SIPA1L3: variants seen among roughly 807,000 people sequenced by gnomAD.
SIPA1L3 encodes signal-induced proliferation-associated 1-like protein 3.
A neutral mutation model predicts 150.1 loss-of-function variants in SIPA1L3; 59 were observed. The observed-to-expected ratio is 0.39, with a 90% confidence interval of 0.32 to 0.49. The LOEUF (loss-of-function observed/expected upper bound fraction) is 0.49, where lower values mean the gene tolerates loss of function less well. Ranked by LOEUF, SIPA1L3 falls within the 20% of genes least tolerant of loss-of-function variation. The probability of loss-of-function intolerance (pLI) is 0.86; values close to 1 mark genes in which losing one functional copy is unlikely to be tolerated. For synonymous variants in SIPA1L3, 1,070 were observed against 1,077.6 expected (o/e 0.99, Z 0.14); for missense variants, 2,211 against 2,489.5 (o/e 0.89, Z 2.38).
At chr19:37,920,554 T>C (rs2046449959) in intron 1 of SIPA1L3, among the ~76,000 whole-genome samples, 1 of 152,134 alleles carries the variant, frequency 6.6e-6, no homozygotes, top group South Asian at 2.1e-4. Flanking sequence ...TATTATACTC[T>C]TTTTTTGCCT....
chr19:37,946,293 C>T (rs1187512795), intron 1 of SIPA1L3, among the ~76,000 whole-genome samples: 1 of 151,526 alleles, frequency 6.6e-6, no homozygotes, highest in African/African-American at 2.4e-5. Flanking sequence ...TCCCTCCCCA[C>T]ACTTTTTTTT....
At chr19:38,134,402 T>TA (rs1971383890) in intron 10 of SIPA1L3, among the ~76,000 whole-genome samples, 1 of 61,340 alleles carries the variant, frequency 1.6e-5, no homozygotes, top group Admixed American at 2.5e-4. Context: ...TCAAGCTTTC[T>TA]CAAAAAAAAA....
chr19:37,909,899 G>A (rs1235345969), intron 1 of SIPA1L3, among the ~76,000 whole-genome samples: 1 of 151,696 alleles, frequency 6.6e-6, no homozygotes, highest in Non-Finnish European at 1.5e-5. Flanking sequence ...GAAACCGGTG[G>A]CCTCAATCAC....
chr19:37,937,660 T>G (rs945036754), intron 1 of SIPA1L3, among the ~76,000 whole-genome samples: 14 of 146,626 alleles, frequency 9.5e-5, no homozygotes, highest in Admixed American at 9.1e-4. Flanking sequence ...AAGGATTGCT[T>G]GAGCTCAGGA....
intron 19 of SIPA1L3, chr19:38,199,855 AT>A: frequency 3.3e-5 from 1 of 30,614 alleles, no homozygotes; most frequent in South Asian, 1.7e-3. Context: ...TTTCTTAAAT[AT>A]ATATATATAT....
intron 1 of SIPA1L3, among the ~76,000 whole-genome samples, chr19:37,938,984 T>C (rs2145518342): frequency 6.6e-6 from 1 of 152,320 alleles, no homozygotes; most frequent in African/African-American, 2.4e-5. Flanking sequence ...CTACTAATCC[T>C]GGGGTGGCAG....
At chr19:38,006,557 G>A (rs371071812) in intron 1 of SIPA1L3, among the ~76,000 whole-genome samples, 29 of 152,316 alleles carry the variant, frequency 1.9e-4, no homozygotes, top group African/African-American at 6.7e-4. Context: ...AAAGATACCT[G>A]ACTCTGGGCG....
chr19:37,953,485 G>T (rs904308681), intron 1 of SIPA1L3, among the ~76,000 whole-genome samples: 1 of 152,174 alleles, frequency 6.6e-6, no homozygotes, highest in East Asian at 1.9e-4. Flanking sequence ...ATTCAAGAGG[G>T]TAATCACTGA....
intron 9 of SIPA1L3, among the ~76,000 whole-genome samples, chr19:38,127,140 C>T (rs1316892520): frequency 6.6e-6 from 1 of 152,078 alleles, no homozygotes; most frequent in Admixed American, 6.6e-5. Flanking sequence ...TGCGATGAGC[C>T]AAGATTGTGC....
At chr19:38,125,123 C>T (rs1292135041) in intron 9 of SIPA1L3, among the ~76,000 whole-genome samples, 1 of 152,078 alleles carries the variant, frequency 6.6e-6, no homozygotes, top group African/African-American at 2.4e-5. Context: ...GCAACCTCCA[C>T]CTCCCGGGTT....
chr19:38,137,267 C>T (rs1971457129), intron 10 of SIPA1L3, among the ~76,000 whole-genome samples: 2 of 152,120 alleles, frequency 1.3e-5, no homozygotes, highest in Non-Finnish European at 2.9e-5. Context: ...CAGCTCACTG[C>T]AACCTCCGCT....
intron 1 of SIPA1L3, among the ~76,000 whole-genome samples, chr19:38,026,445 T>G (rs912660378): frequency 2.6e-5 from 4 of 152,146 alleles, no homozygotes; most frequent in African/African-American, 9.7e-5. Context: ...TTGGCCAGAC[T>G]TGGATCATAT....
chr19:38,114,231 A>T (rs1970830570), intron 8 of SIPA1L3, among the ~76,000 whole-genome samples: 1 of 151,650 alleles, frequency 6.6e-6, no homozygotes, highest in South Asian at 2.1e-4. Flanking sequence ...GACCAGCCTG[A>T]CCAACATGGA....
rs1971612304 is a variant in SIPA1L3 at position 38,142,512 on chromosome 19, C to T, written c.3396-61C>T. 13 of 1,531,376 alleles carry T rather than the reference C, an allele frequency of 8.5e-6. No homozygotes were observed. In the South Asian group the frequency reaches 1.5e-4, roughly 18 times the overall value. The allele number at this position is 1,531,376 out of a possible 1,614,324, so 94.9% of individuals were successfully genotyped here. On this transcript the variant is annotated intron_variant, in intron 11 of 21. Transcript: ENST00000222345. ...ATCCATCTGTCTGTCCGTCCATCCTCCCAGGGCAGGGGTACCCTCCTACTC... is the reference window on the plus strand; with the variant it reads ...ATCCATCTGTCTGTCCGTCCATCCTTCCAGGGCAGGGGTACCCTCCTACTC...
At chr19:38,194,278 A>G (rs1048725187) in intron 18 of SIPA1L3, among the ~76,000 whole-genome samples, 7 of 152,110 alleles carry the variant, frequency 4.6e-5, no homozygotes, top group Non-Finnish European at 1.0e-4. Context: ...GTAAACAGGT[A>G]CTGCGCACAC....
At chr19:38,056,977 AAT>A (rs1242805159) in intron 2 of SIPA1L3, among the ~76,000 whole-genome samples, 2 of 152,082 alleles carry the variant, frequency 1.3e-5, no homozygotes, top group African/African-American at 2.4e-5. Context: ...GTCGTTAAAA[AAT>A]ATATATGGGG....
intron 1 of SIPA1L3, among the ~76,000 whole-genome samples, chr19:37,975,872 A>G (rs1390034504): frequency 1.3e-5 from 2 of 152,088 alleles, no homozygotes; most frequent in African/African-American, 4.8e-5. Context: ...TGGGTGGCCG[A>G]GGCGGGTAGA....
At chr19:37,921,976 A>G (rs1404053295) in intron 1 of SIPA1L3, among the ~76,000 whole-genome samples, 1 of 152,070 alleles carries the variant, frequency 6.6e-6, no homozygotes, top group Non-Finnish European at 1.5e-5. Context: ...TGTGGAGGGA[A>G]TGTCATGAGC....
At chr19:37,966,006 A>G (rs1315779024) in intron 1 of SIPA1L3, among the ~76,000 whole-genome samples, 4 of 152,160 alleles carry the variant, frequency 2.6e-5, no homozygotes, top group Non-Finnish European at 5.9e-5. Flanking sequence ...ATTATTTTGC[A>G]CGGCCAAAGT....
Sources: gnomAD v4.1 joint callset for allele counts (sites outside exome capture counted in the v4.1 genomes callset) on GRCh38, gnomAD v4.1.1 for gene constraint, MANE v1.5 for transcripts, NCBI Gene and HGNC (gene_info 2026-07-23, HGNC 2026-07-21) for gene names.